Variants in SF3B3 observed in about 807,000 individuals in gnomAD.
The protein encoded by SF3B3 is SAP 130.
Under a neutral mutation model 139.2 loss-of-function variants are expected in SF3B3, and 33 were observed. The ratio of observed to expected loss-of-function variants is 0.24; its 90% CI spans 0.18 to 0.32. SF3B3 has a LOEUF of 0.32. Ranked by LOEUF, SF3B3 falls within the 10% of genes least tolerant of loss-of-function variation. The pLI, the probability that SF3B3 is intolerant of heterozygous loss-of-function variation, is 1.00. For missense variants in SF3B3, 818 were observed against 1,509.4 expected, an observed-to-expected ratio of 0.54 and a Z score of 7.59; for synonymous variants, 596 against 563.6, an observed-to-expected ratio of 1.06 and a Z score of -0.81.
intron 8 of SF3B3, 132 bp downstream of exon 8, chr16:70,539,339 G>A (rs1373587857): frequency 1.9e-5 from 13 of 677,266 alleles, no homozygotes; most frequent in Admixed American, 6.6e-5. Context: ...CCTGAGGTAA[G>A]GAGTTGGAGA....
intron 5 of SF3B3, among the ~76,000 whole-genome samples, chr16:70,533,711 TC>T (rs1302058797): frequency 1.3e-5 from 2 of 152,224 alleles, no homozygotes; most frequent in Non-Finnish European, 2.9e-5. Context: ...CTGATCTAGT[TC>T]TATTTTGAAT....
chr16:70,554,254 G>A (rs2050358745), intron 11 of SF3B3, 192 bp from the exon 12 acceptor site: 4 of 532,216 alleles, frequency 7.5e-6, no homozygotes, highest in South Asian at 2.3e-5. Context: ...GAGTATATCT[G>A]TAGGCTCTTC....
intron 11 of SF3B3, among the ~76,000 whole-genome samples, chr16:70,553,020 G>C (rs961059763): frequency 6.6e-6 from 1 of 152,064 alleles, no homozygotes; most frequent in Non-Finnish European, 1.5e-5. Flanking sequence ...AGGCAATTCT[G>C]CTCAGCCTCC....
rs1388564360 is a variant in SF3B3, at chr16:70,576,210, TATC to T, written c.*4399_*4401del. On this transcript the variant is annotated 3_prime_UTR_variant, in exon 26 of 26. Coordinates refer to ENST00000302516, the MANE Select transcript of SF3B3 (RefSeq NM_012426.5). ...GCTTGTTCAAAATGAAGAAAAAAAA[TATC>T]AAAGAAAACCAGGTTTGGAAGTTTC... 6.6e-6 allele frequency: 1 copy of T among 151,604 alleles called. No homozygotes were observed. The highest frequency in any genetic ancestry group is 2.4e-5 in the African/African-American group (1 of 41,224). The allele number at this position is 151,604 out of a possible 1,614,324, so 9.4% of individuals were successfully genotyped here. A position where few individuals can be genotyped will look rare whatever the true frequency, so the allele number is the denominator to read the frequency against.
intron 13 of SF3B3, 124 bp from the exon 14 acceptor site, chr16:70,556,055 A>G (rs943398289): frequency 1.1e-6 from 1 of 903,768 alleles, no homozygotes; most frequent in South Asian, 1.6e-5. Context: ...AAGAGGAGTG[A>G]GAGGAAGCAG....
chr16:70,568,724 T>A (rs2050500791), intron 22 of SF3B3, among the ~76,000 whole-genome samples: 1 of 152,262 alleles, frequency 6.6e-6, no homozygotes, highest in Admixed American at 6.5e-5. Context: ...GATTTAATGA[T>A]AGGTTTAGTT....
At chr16:70,546,835 G>C (rs1389897921) in intron 10 of SF3B3, among the ~76,000 whole-genome samples, 3 of 152,062 alleles carry the variant, frequency 2.0e-5, no homozygotes, top group Admixed American at 2.0e-4. Context: ...AGACCATCTT[G>C]GCTAACACGG....
At chr16:70,560,256 T>C in intron 15 of SF3B3, 1 of 367,348 alleles carries the variant, frequency 2.7e-6, no homozygotes, top group Middle Eastern at 7.5e-4. Context: ...AGTGTGTATT[T>C]ACTTAGTAGA....
chr16:70,527,171 G>A (rs963988847), intron 2 of SF3B3, among the ~76,000 whole-genome samples: 1 of 152,228 alleles, frequency 6.6e-6, no homozygotes, highest in South Asian at 2.1e-4. Flanking sequence ...AGAGAAAAGG[G>A]AAAATGCAGT....
At chr16:70,547,980 A>G (rs1274549670) in intron 10 of SF3B3, among the ~76,000 whole-genome samples, 1 of 152,190 alleles carries the variant, frequency 6.6e-6, no homozygotes, top group African/African-American at 2.4e-5. Flanking sequence ...AGGAGGTGGC[A>G]TTTGAATTGG....
At chr16:70,547,292 G>T (rs1309250231) in intron 10 of SF3B3, among the ~76,000 whole-genome samples, 1 of 152,086 alleles carries the variant, frequency 6.6e-6, no homozygotes, top group Admixed American at 6.5e-5. Context: ...TAAGATGTGG[G>T]TTACACGTTA....
Position 70,530,824 on chromosome 16 carries a change from A to G in SF3B3, c.477A>G (p.Glu159=). ...GACTTACCATTTCATCTCCCCTGGAAGCCCACAAAGCAAACACTTTAGTGT... is the reference window on the plus strand; with the variant it reads ...GACTTACCATTTCATCTCCCCTGGAGGCCCACAAAGCAAACACTTTAGTGT... ...AARLTISSPL[E]AHKANTLVYH... Residue 159 remains glutamate, a synonymous_variant, in exon 4 of 26, where the codon GAA becomes GAG. Transcript: ENST00000302516. 2 of 1,614,188 alleles carry G rather than the reference A, an allele frequency of 1.2e-6. No homozygotes were observed. Among genetic ancestry groups the G allele is most frequent in the East Asian group, 2.2e-5 (1 of 44,884 alleles).
intron 8 of SF3B3, among the ~76,000 whole-genome samples, chr16:70,540,685 T>C (rs1038079908): frequency 6.6e-6 from 1 of 152,134 alleles, no homozygotes; most frequent in African/African-American, 2.4e-5. Flanking sequence ...TTTGTCCCTT[T>C]GTGTCTAGCT....
Position 70,563,869 on chromosome 16 carries a change from G to T in SF3B3, c.2289-7G>T, listed in dbSNP as rs1345320013. Reference sequence around the variant, plus strand: ...TATTAAATAACTGCCTTGCTTTTTTGTCATAGGATTTTGGCATTAGAGAAG... The same window carrying T: ...TATTAAATAACTGCCTTGCTTTTTTTTCATAGGATTTTGGCATTAGAGAAG... On this transcript the variant is annotated splice_polypyrimidine_tract_variant and splice_region_variant and intron_variant, in intron 17 of 25. Transcript: ENST00000302516. 1 of 1,610,960 alleles carries T rather than the reference G, an allele frequency of 6.2e-7. No homozygotes were observed.
chr16:70,525,902 A>C (rs2050057918), intron 1 of SF3B3, among the ~76,000 whole-genome samples: 1 of 146,510 alleles, frequency 6.8e-6, no homozygotes. Context: ...CGGAGCTTGC[A>C]GTAAGCCAAG....
At chr16:70,562,794 G>A (rs144092362) in intron 17 of SF3B3, among the ~76,000 whole-genome samples, 4 of 152,204 alleles carry the variant, frequency 2.6e-5, no homozygotes, top group African/African-American at 9.6e-5. Flanking sequence ...CAGAGTTCTT[G>A]GCAGGCAGTT....
At chr16:70,570,952 C>T in intron 24 of SF3B3, 143 bp from the exon 25 acceptor site, 2 of 691,210 alleles carry the variant, frequency 2.9e-6, no homozygotes, top group South Asian at 3.3e-5. Flanking sequence ...AGCAGAAAAA[C>T]CTGTGATTAT....
At chr16:70,556,448 G>T (rs1264774008) in intron 14 of SF3B3, 114 bp downstream of exon 14, 12 of 1,191,458 alleles carry the variant, frequency 1.0e-5, no homozygotes, top group Non-Finnish European at 1.5e-5. Context: ...AGCTGGGTTA[G>T]AACCCAGAAT....
At chr16:70,561,601 T>G (rs1489071506) in intron 16 of SF3B3, 29 bp from the exon 17 acceptor site, 5 of 1,605,640 alleles carry the variant, frequency 3.1e-6, no homozygotes, top group Non-Finnish European at 4.3e-6. Flanking sequence ...CCAAACCTTA[T>G]TGGAGCTGGG....
Sources: allele counts gnomAD v4.1 joint callset (sites outside exome capture counted in the v4.1 genomes callset), GRCh38; gene constraint gnomAD v4.1.1; transcripts MANE v1.5; gene names NCBI Gene and HGNC (gene_info 2026-07-23, HGNC 2026-07-21).